KHDC4: variants seen among roughly 807,000 people sequenced by gnomAD.
The protein encoded by KHDC4 is KH domain containing 4, pre-mRNA splicing factor.
Under a neutral mutation model 74.5 loss-of-function variants are expected in KHDC4, and 19 were observed. The ratio of observed to expected loss-of-function variants is 0.26; its 90% CI spans 0.18 to 0.37. KHDC4 has a LOEUF of 0.37. Ranked by LOEUF, KHDC4 falls within the 10% of genes least tolerant of loss-of-function variation. The pLI is 1.00. For missense variants in KHDC4, 632 were observed against 754.1 expected, an observed-to-expected ratio of 0.84 and a Z score of 1.90; for synonymous variants, 253 against 266.1, an observed-to-expected ratio of 0.95 and a Z score of 0.48.
chr1:155,934,180 A>T (rs571031266), intron 1 of KHDC4, among the ~76,000 whole-genome samples, 156 bp downstream of exon 1: 1 of 152,172 alleles, frequency 6.6e-6, no homozygotes, highest in East Asian at 1.9e-4. Context: ...CCGGCCCTTT[A>T]AGGGCCCCAG....
chr1:155,930,208 C>T (rs1178168027), intron 2 of KHDC4, among the ~76,000 whole-genome samples: 1 of 152,208 alleles, frequency 6.6e-6, no homozygotes, highest in Non-Finnish European at 1.5e-5. Context: ...CCACTGTGCC[C>T]AGCTGAGATA....
intron 4 of KHDC4, among the ~76,000 whole-genome samples, chr1:155,927,710 CA>C (rs1477912204): frequency 4.3e-5 from 6 of 138,058 alleles, no homozygotes; most frequent in African/African-American, 1.4e-4. Flanking sequence ...GGCTGAGGCA[CA>C]AGAATCACTT....
chr1:155,931,345 G>A (rs993225459), intron 2 of KHDC4, among the ~76,000 whole-genome samples: 24 of 149,178 alleles, frequency 1.6e-4, no homozygotes, highest in African/African-American at 5.9e-4. Flanking sequence ...AAGAATGAAC[G>A]AAGGAACCAA....
intron 8 of KHDC4, 58 bp from the exon 9 acceptor site, chr1:155,921,976 G>T: frequency 9.5e-7 from 1 of 1,047,376 alleles, no homozygotes. Flanking sequence ...CATTTACAAG[G>T]GTCTGATTAC....
intron 10 of KHDC4, among the ~76,000 whole-genome samples, chr1:155,919,202 A>C (rs1299886340): frequency 1.3e-5 from 2 of 151,708 alleles, no homozygotes; most frequent in Non-Finnish European, 2.9e-5. Context: ...TCCTGACCTC[A>C]AGTGATCCAC....
In KHDC4 at chr1:155,923,664, G is replaced by T. The variant is rs765016247; in HGVS notation, c.917C>A (p.Ala306Asp). ...ATTCTCACAAAGCTTCTTGGCAGCA[G>T]CCAGGCCTTCTGGTTTGGGGTGACT... is the stretch of plus-strand genomic sequence containing the variant. ...YISHPKPEGL[A>D]AAKKLCENLL... Residue 306 changes from alanine to aspartate, a missense_variant, in exon 8 of 14, where the codon GCT becomes GAT. Coordinates refer to ENST00000368321, the MANE Select transcript of KHDC4 (RefSeq NM_014949.4). 6.2e-7 allele frequency: 1 copy of T among 1,613,768 alleles called. No individual in the cohort carries two copies. The highest frequency in any genetic ancestry group is 1.1e-5 in the South Asian group (1 of 91,058).
At chr1:155,916,063 A>C (rs907595561) in intron 12 of KHDC4, 99 bp from the exon 13 acceptor site, 1 of 767,402 alleles carries the variant, frequency 1.3e-6, no homozygotes, top group Admixed American at 2.6e-5. Context: ...ACAATCCTTC[A>C]AATTCATTTT....
At chr1:155,917,907 ACT>A (rs1210381199) in intron 10 of KHDC4, among the ~76,000 whole-genome samples, 1 of 151,992 alleles carries the variant, frequency 6.6e-6, no homozygotes, top group Admixed American at 6.6e-5. Context: ...TTTTAAGAAA[ACT>A]CTGTTATGCA....
At position 155,933,768 on chromosome 1, in the gene KHDC4, G is replaced by C. The variant is rs780901531; in HGVS notation, c.120C>G (p.Ser40Arg). ...PPAAPGGEVT[S>R]SGGSPGGTTA... ...TGGTGCCCCCAGGACTTCCCCCACTGCTGGTGACCTCCCCACCTGGGGCCG... is the reference window on the plus strand; with the variant it reads ...TGGTGCCCCCAGGACTTCCCCCACTCCTGGTGACCTCCCCACCTGGGGCCG... Residue 40 changes from serine (S) to arginine (R), a missense_variant, in exon 2 of 14, where the codon AGC (serine) becomes AGG (arginine). Coordinates refer to ENST00000368321, the MANE Select transcript of KHDC4 (RefSeq NM_014949.4). 1.2e-6 allele frequency: 2 copies of C among 1,601,462 alleles called. No individual in the cohort carries two copies. Among genetic ancestry groups the C allele is most frequent in the African/African-American group, 2.7e-5 (2 of 74,744 alleles).
chr1:155,927,725 C>T lies in KHDC4; in HGVS notation c.465-569G>A, dbSNP rs1051571070. Among the ~76,000 whole-genome samples, 4 of 149,300 alleles carry T rather than the reference C, an allele frequency of 2.7e-5. No homozygotes were observed. In the Admixed American group the frequency reaches 2.7e-4, roughly 10 times the overall value. ...GGCTGAGGCACAAGAATCACTTGAA[C>T]CCAGGAGGTGGAGGTTGCAATGACC... On this transcript the variant is annotated intron_variant, in intron 4 of 13. Transcript: ENST00000368321.
intron 11 of KHDC4, among the ~76,000 whole-genome samples, chr1:155,917,193 G>A (rs1313299003): frequency 1.3e-5 from 2 of 152,154 alleles, no homozygotes; most frequent in Non-Finnish European, 2.9e-5. Context: ...GAGGGGTGGG[G>A]AGACTGGAGG....
rs1288736983 is a variant in KHDC4, at chr1:155,933,628, A to G, written c.255+5T>C. ...AATTAGTGGAGACCCTTCAACTTCA[A>G]ATACCTTCTCAGAAGCATTCTGAGT... On this transcript the variant is annotated splice_donor_5th_base_variant and intron_variant, in intron 2 of 13. Transcript: ENST00000368321. 4 of 1,593,154 alleles carry G rather than the reference A, an allele frequency of 2.5e-6. No homozygotes were observed. The African/African-American group carries it at 4.0e-5, about 16-fold the overall frequency.
At chr1:155,932,638 T>C (rs1390488355) in intron 2 of KHDC4, 1 of 152,216 alleles carries the variant, frequency 6.6e-6, no homozygotes, top group Non-Finnish European at 1.5e-5. Flanking sequence ...TCATAAACCT[T>C]ATAAATGGAT....
chr1:155,925,456 C>T (rs150151043), intron 7 of KHDC4, among the ~76,000 whole-genome samples, 176 bp downstream of exon 7: 96 of 152,258 alleles, frequency 6.3e-4, no homozygotes, highest in African/African-American at 2.1e-3. Flanking sequence ...CATGAGCCAC[C>T]GTGCCCCAAT....
At position 155,913,893 on chromosome 1, in the gene KHDC4, G is replaced by A; in HGVS notation, c.*228C>T. 1.9e-6 allele frequency: 1 copy of A among 538,432 alleles called. No individual in the cohort carries two copies. The highest frequency in any genetic ancestry group is 3.3e-6 in the Non-Finnish European group (1 of 302,238). 33.4% of individuals were successfully genotyped at this position (538,432 alleles called of 1,614,324 possible). On this transcript the variant is annotated 3_prime_UTR_variant, in exon 14 of 14. Coordinates refer to ENST00000368321, the MANE Select transcript of KHDC4 (RefSeq NM_014949.4). ...TTTCACCAACTGTTAAAAAGCTTCTGAGATAAATTTGTGATTCTAATTAAA... is the reference window on the plus strand; with the variant it reads ...TTTCACCAACTGTTAAAAAGCTTCTAAGATAAATTTGTGATTCTAATTAAA...
Position 155,929,858 on chromosome 1 carries a change from T to C in KHDC4, c.256-18A>G. ...GCCTGAAGCTAGAAAAAAGAGAAAT[T>C]AGATTAAAAAGTTTTTATGATGAGA... On this transcript the variant is annotated intron_variant, in intron 2 of 13. Coordinates refer to ENST00000368321, the MANE Select transcript of KHDC4 (RefSeq NM_014949.4). The C allele has an allele frequency of 1.3e-6, 2 of 1,538,052 alleles. No homozygotes were observed. Among genetic ancestry groups the C allele is most frequent in the Non-Finnish European group, 1.7e-6 (2 of 1,147,428 alleles).
Position 155,916,064 on chromosome 1 carries a change from A to G in KHDC4, c.1554-100T>C, listed in dbSNP as rs866356158. The G allele has an allele frequency of 1.3e-5, 10 of 759,314 alleles. 1 individual carries two copies. The highest frequency in any genetic ancestry group is 5.0e-5 in the South Asian group (3 of 60,040). The allele number at this position is 759,314 out of a possible 1,614,324, so 47.0% of individuals were successfully genotyped here. ...AATTATGTCTGCAGACAATCCTTCA[A>G]ATTCATTTTAACCATTAATTTCAAC... On this transcript the variant is annotated intron_variant, in intron 12 of 13. Coordinates refer to ENST00000368321, the MANE Select transcript of KHDC4 (RefSeq NM_014949.4).
intron 4 of KHDC4, among the ~76,000 whole-genome samples, chr1:155,927,830 A>AC (rs1674043144): frequency 2.6e-5 from 1 of 37,764 alleles, no homozygotes; most frequent in Non-Finnish European, 5.7e-5. Flanking sequence ...AAAAAAAAAA[A>AC]ACCACACACA....
chr1:155,920,159 G>A (rs1673825654), intron 10 of KHDC4: 1 of 282,114 alleles, frequency 3.5e-6, no homozygotes, highest in Non-Finnish European at 7.5e-6. Context: ...AGAAATTGTG[G>A]CCAGGTGCGG....
Sources: gnomAD v4.1 joint callset for allele counts (sites outside exome capture counted in the v4.1 genomes callset) on GRCh38, gnomAD v4.1.1 for gene constraint, MANE v1.5 for transcripts, NCBI Gene and HGNC (gene_info 2026-07-23, HGNC 2026-07-21) for gene names.